Variants in WDR7 observed in about 807,000 individuals in gnomAD.
WDR7 encodes the protein WD repeat-containing protein 7.
Under a neutral mutation model 169.4 loss-of-function variants are expected in WDR7, and 46 were observed. The ratio of observed to expected loss-of-function variants is 0.27; its 90% CI spans 0.21 to 0.35. The LOEUF (loss-of-function observed/expected upper bound fraction) is 0.35, where lower values mean the gene tolerates loss of function less well. Ranked by LOEUF, WDR7 falls within the 10% of genes least tolerant of loss-of-function variation. The pLI is 1.00. For missense variants in WDR7, 1,534 were observed against 1,859.3 expected (o/e 0.83, Z 3.22); for synonymous variants, 612 against 666.8 (o/e 0.92, Z 1.27).
intron 1 of WDR7, among the ~76,000 whole-genome samples, chr18:56,670,546 C>G (rs1433160832): frequency 6.6e-6 from 1 of 152,082 alleles, no homozygotes; most frequent in Non-Finnish European, 1.5e-5. Flanking sequence ...AACTCTTGCT[C>G]TGTTGCCAGG....
chr18:56,727,378 T>G (rs2026482750), intron 13 of WDR7, among the ~76,000 whole-genome samples: 1 of 152,126 alleles, frequency 6.6e-6, no homozygotes, highest in Non-Finnish European at 1.5e-5. Flanking sequence ...TCTGTATTAG[T>G]CCATTCTCAT....
In WDR7 at chr18:56,678,744, C is replaced by T. The variant is rs554990142; in HGVS notation, c.160-588C>T. ...ACTCCTGACCTCATGATCTGCCCAC[C>T]TTAGCCTCCCAAAGTGCTGGGATTA... is the stretch of plus-strand genomic sequence containing the variant. On this transcript the variant is annotated intron_variant, in intron 2 of 27. Transcript: ENST00000254442. Among the ~76,000 whole-genome samples the T allele has an allele frequency of 3.4e-4, 52 of 152,306 alleles. 1 individual carries two copies. In the South Asian group the frequency reaches 0.01, roughly 30 times the overall value.
chr18:56,805,557 T>C (rs992126912), intron 19 of WDR7, among the ~76,000 whole-genome samples: 1 of 152,168 alleles, frequency 6.6e-6, no homozygotes, highest in African/African-American at 2.4e-5. Flanking sequence ...TACATTAAAC[T>C]CTCTGCCTTC....
chr18:56,914,962 C>T (rs2046605270), intron 21 of WDR7, among the ~76,000 whole-genome samples: 1 of 152,128 alleles, frequency 6.6e-6, no homozygotes, highest in Admixed American at 6.5e-5. Flanking sequence ...ATTTTATACT[C>T]TTCTGATTAT....
At chr18:56,865,560 A>C (rs1288793502) in intron 20 of WDR7, among the ~76,000 whole-genome samples, 2 of 152,150 alleles carry the variant, frequency 1.3e-5, no homozygotes, top group African/African-American at 4.8e-5. Flanking sequence ...TAGACAACTT[A>C]CAGGAAGGTT....
chr18:56,998,170 G>A (rs1204806733), intron 26 of WDR7, among the ~76,000 whole-genome samples: 1 of 152,126 alleles, frequency 6.6e-6, no homozygotes, highest in Non-Finnish European at 1.5e-5. Context: ...AAGCCCCAAG[G>A]TATAAGCAGT....
intron 16 of WDR7, among the ~76,000 whole-genome samples, chr18:56,761,069 G>A (rs1272209740): frequency 6.6e-6 from 1 of 152,144 alleles, no homozygotes; most frequent in Non-Finnish European, 1.5e-5. Context: ...GGGTGCAGTG[G>A]CACAATCACA....
chr18:56,844,154 C>T (rs2045530694), intron 20 of WDR7, among the ~76,000 whole-genome samples: 1 of 148,016 alleles, frequency 6.8e-6, no homozygotes, highest in Non-Finnish European at 1.5e-5. Context: ...AGCCACCACA[C>T]TCAATCTATT....
intron 26 of WDR7, among the ~76,000 whole-genome samples, chr18:56,986,112 G>A (rs1474954424): frequency 6.7e-6 from 1 of 149,106 alleles, no homozygotes; most frequent in African/African-American, 2.5e-5. Context: ...TTATAATAGA[G>A]CTAATTTCAG....
chr18:56,769,871 G>A (rs888079740), intron 16 of WDR7, among the ~76,000 whole-genome samples: 3 of 152,216 alleles, frequency 2.0e-5, no homozygotes, highest in South Asian at 4.1e-4. Context: ...TCATATTAAG[G>A]AATGTATCTG....
At chr18:56,784,098 A>G (rs761732439) in intron 19 of WDR7, among the ~76,000 whole-genome samples, 2 of 152,154 alleles carry the variant, frequency 1.3e-5, no homozygotes, top group Admixed American at 6.5e-5. Flanking sequence ...AGTACCCACT[A>G]TTGCCATCAC....
At chr18:56,893,130 A>T (rs2046286465) in intron 21 of WDR7, among the ~76,000 whole-genome samples, 1 of 150,972 alleles carries the variant, frequency 6.6e-6, no homozygotes, top group Non-Finnish European at 1.5e-5. Context: ...AGTTTTTTTG[A>T]TTCTTTGTCA....
chr18:57,005,307 GT>G (rs2048040547), intron 26 of WDR7, among the ~76,000 whole-genome samples: 1 of 152,040 alleles, frequency 6.6e-6, no homozygotes, highest in African/African-American at 2.4e-5. Context: ...CAGAAGCACA[GT>G]TTTAGGGAGC....
chr18:56,977,792 A>G (rs1385707932), intron 26 of WDR7, among the ~76,000 whole-genome samples: 3 of 152,224 alleles, frequency 2.0e-5, no homozygotes, highest in African/African-American at 7.2e-5. Flanking sequence ...AAATGCTTCT[A>G]TCTCATATAT....
chr18:56,842,094 G>A (rs9960138), intron 20 of WDR7, among the ~76,000 whole-genome samples: 14,205 of 152,044 alleles, frequency 0.093, 1,675 homozygotes, highest in African/African-American at 0.28. Flanking sequence ...TGACCCCCAC[G>A]CTAGTCATCA....
chr18:56,884,585 T>C (rs189543010), intron 21 of WDR7, among the ~76,000 whole-genome samples: 123 of 152,310 alleles, frequency 8.1e-4, no homozygotes, highest in African/African-American at 2.7e-3. Flanking sequence ...CCTAAGCCAA[T>C]GTCTAGAAGG....
At position 56,731,363 on chromosome 18, in the gene WDR7, T is replaced by G; in HGVS notation, c.1775-20T>G. On this transcript the variant is annotated intron_variant, in intron 13 of 27. Coordinates refer to ENST00000254442, the MANE Select transcript of WDR7 (RefSeq NM_015285.3). ...ATGTTGTAGTGTTATGAAATATTTG[T>G]GAATATATTTTTCTCGCAGGTGCAT... 6.2e-7 allele frequency: 1 copy of G among 1,607,564 alleles called. No homozygotes were observed. The highest frequency in any genetic ancestry group is 8.5e-7 in the Non-Finnish European group (1 of 1,174,832).
At chr18:56,859,618 C>A (rs1433299376) in intron 20 of WDR7, among the ~76,000 whole-genome samples, 1 of 152,110 alleles carries the variant, frequency 6.6e-6, no homozygotes. Flanking sequence ...CCCTAGTATG[C>A]CTTCCCACCC....
intron 22 of WDR7, among the ~76,000 whole-genome samples, chr18:56,933,247 C>T (rs2046915291): frequency 6.6e-6 from 1 of 152,146 alleles, no homozygotes; most frequent in Non-Finnish European, 1.5e-5. Flanking sequence ...TGACACAGCC[C>T]AGCTCTTTGG....
Sources: gnomAD v4.1 joint callset for allele counts (sites outside exome capture counted in the v4.1 genomes callset) on GRCh38, gnomAD v4.1.1 for gene constraint, MANE v1.5 for transcripts, NCBI Gene and HGNC (gene_info 2026-07-23, HGNC 2026-07-21) for gene names.